Variants in CTNNA2 observed in about 807,000 individuals in gnomAD.
CTNNA2 encodes catenin alpha 2.
CTNNA2 carries 42 observed loss-of-function variants against 101.0 expected under a neutral mutation model. The ratio of observed to expected loss-of-function variants is 0.42; its 90% CI spans 0.32 to 0.54. The LOEUF (loss-of-function observed/expected upper bound fraction) is 0.54, where lower values mean the gene tolerates loss of function less well. Ranked by LOEUF, CTNNA2 falls within the 20% of genes least tolerant of loss-of-function variation. The pLI, the probability that CTNNA2 is intolerant of heterozygous loss-of-function variation, is 0.14. For synonymous variants in CTNNA2, 450 were observed against 456.4 expected (o/e 0.99, Z 0.18); for missense variants, 871 against 1,223.1 (o/e 0.71, Z 4.29).
chr2:79,724,867 A>G (rs1435665971), intron 2 of CTNNA2, among the ~76,000 whole-genome samples: 3 of 150,028 alleles, frequency 2.0e-5, no homozygotes, highest in Non-Finnish European at 4.4e-5. Context: ...TGAGTGAGTT[A>G]TGACTTAGAG....
intron 7 of CTNNA2, among the ~76,000 whole-genome samples, chr2:80,216,788 A>G (rs1456638456): frequency 2.0e-5 from 3 of 152,040 alleles, no homozygotes; most frequent in African/African-American, 7.2e-5. Context: ...ATATTCACAG[A>G]CATAATCAGG....
In CTNNA2 at chr2:80,647,897, T is replaced by TTTTTCTTTC; in HGVS notation, c.*38_*46dup. 6.5e-7 allele frequency: 1 copy of TTTTTCTTTC among 1,533,456 alleles called. No individual in the cohort carries two copies. Among genetic ancestry groups the TTTTTCTTTC allele is most frequent in the South Asian group, 1.3e-5 (1 of 78,080 alleles). The allele number at this position is 1,533,456 out of a possible 1,614,324, so 95.0% of individuals were successfully genotyped here. On this transcript the variant is annotated 3_prime_UTR_variant, in exon 19 of 19. Coordinates refer to ENST00000402739, the MANE Select transcript of CTNNA2 (RefSeq NM_001282597.3). ...GGACGATAGGTTTTAACAAGAAAGC[T>TTTTTCTTTC]TTTTCTTTCTTTTCTTTCTTTCTTT...
chr2:80,482,554 A>C (rs957755040), intron 9 of CTNNA2, among the ~76,000 whole-genome samples: 1 of 152,180 alleles, frequency 6.6e-6, no homozygotes, highest in Middle Eastern at 3.2e-3. Context: ...AACTGTATTT[A>C]CAAAAAGAGG....
At chr2:80,563,204 G>A (rs1693762749) in intron 12 of CTNNA2, among the ~76,000 whole-genome samples, 1 of 152,176 alleles carries the variant, frequency 6.6e-6, no homozygotes, top group Non-Finnish European at 1.5e-5. Flanking sequence ...TACATATTGT[G>A]TCTAGCAGAG....
chr2:79,214,296 A>C (rs1674216784), intron 2 of CTNNA2, among the ~76,000 whole-genome samples: 1 of 152,132 alleles, frequency 6.6e-6, no homozygotes, highest in Admixed American at 6.5e-5. Context: ...GGCTGGGATG[A>C]AGGGTGCAAA....
intron 7 of CTNNA2, among the ~76,000 whole-genome samples, chr2:79,933,336 G>A (rs973312176): frequency 1.1e-4 from 17 of 152,010 alleles, no homozygotes; most frequent in African/African-American, 2.9e-4. Context: ...AACACTGTTC[G>A]GCTAGGATTT....
chr2:80,010,774 TC>T (rs1366530350), intron 7 of CTNNA2, among the ~76,000 whole-genome samples: 12 of 152,142 alleles, frequency 7.9e-5, no homozygotes, highest in Admixed American at 7.9e-4. Context: ...ATGAAAATTC[TC>T]CACATTTCAT....
rs184967360 is a variant in CTNNA2 at position 79,638,587 on chromosome 2, A to T, written c.-5-12965A>T. ...AGGAGAATCATTTCCCACTTACTGTAGCTGCCACTGGATGCAAAGCAGTAC... is the reference window on the plus strand; with the variant it reads ...AGGAGAATCATTTCCCACTTACTGTTGCTGCCACTGGATGCAAAGCAGTAC... On this transcript the variant is annotated intron_variant, in intron 1 of 18. Coordinates refer to ENST00000402739, the MANE Select transcript of CTNNA2 (RefSeq NM_001282597.3). Among the ~76,000 whole-genome samples, 236 of 152,302 alleles carry T rather than the reference A, an allele frequency of 1.5e-3. 4 individuals are homozygous for T. The highest frequency in any genetic ancestry group is 5.5e-3 in the African/African-American group (227 of 41,572).
rs576517970 is a variant in CTNNA2 at position 80,168,723 on chromosome 2, A to G, written c.1057-224488A>G. ...CTTTTTGATACCCAAGGTGCTTTCC[A>G]TATCAATTAAATCAGATTGTCTATG... On this transcript the variant is annotated intron_variant, in intron 7 of 18. Coordinates refer to ENST00000402739, the MANE Select transcript of CTNNA2 (RefSeq NM_001282597.3). 3.0e-4 allele frequency among the ~76,000 whole-genome samples: 45 copies of G among 152,260 alleles called. 1 individual carries two copies. The South Asian group carries it at 9.3e-3, about 32-fold the overall frequency.
chr2:79,858,512 C>T (rs548743624), intron 4 of CTNNA2, among the ~76,000 whole-genome samples: 73 of 152,222 alleles, frequency 4.8e-4, no homozygotes, highest in African/African-American at 1.5e-3. Flanking sequence ...TCTCAAGATT[C>T]GGAGCAATCT....
At chr2:79,377,292 A>T (rs1430452146) in intron 4 of CTNNA2, among the ~76,000 whole-genome samples, 2 of 152,188 alleles carry the variant, frequency 1.3e-5, no homozygotes, top group Admixed American at 1.3e-4. Context: ...ACAATAAGGA[A>T]AAGGCATAAA....
chr2:80,424,571 A>G (rs538545679), intron 9 of CTNNA2, among the ~76,000 whole-genome samples: 1 of 152,304 alleles, frequency 6.6e-6, no homozygotes, highest in South Asian at 2.1e-4. Flanking sequence ...GTTGGGCAGC[A>G]GAGAGGCAGA....
intron 7 of CTNNA2, among the ~76,000 whole-genome samples, chr2:80,032,453 T>C (rs1268655104): frequency 1.3e-5 from 2 of 152,160 alleles, no homozygotes; most frequent in Non-Finnish European, 2.9e-5. Flanking sequence ...AAAGGTAAAA[T>C]TTCTATGATC....
intron 7 of CTNNA2, among the ~76,000 whole-genome samples, chr2:80,116,376 TAA>T (rs563446744): frequency 6.1e-4 from 40 of 65,258 alleles, no homozygotes; most frequent in Admixed American, 6.4e-4. Flanking sequence ...CCTAAAAAGC[TAA>T]AAAAAAAAAA....
intron 6 of CTNNA2, among the ~76,000 whole-genome samples, chr2:79,891,441 T>TA (rs780457073): frequency 3.0e-4 from 45 of 152,322 alleles, no homozygotes; most frequent in Non-Finnish European, 5.7e-4. Context: ...GTACTTAAGA[T>TA]AAAAAACATC....
intron 7 of CTNNA2, among the ~76,000 whole-genome samples, chr2:80,012,841 A>G (rs1216973324): frequency 6.6e-6 from 1 of 152,156 alleles, no homozygotes; most frequent in Non-Finnish European, 1.5e-5. Context: ...AAGATCAGAT[A>G]TTCTTCCTGT....
At chr2:79,853,436 A>C (rs1680885936) in intron 3 of CTNNA2, among the ~76,000 whole-genome samples, 1 of 152,210 alleles carries the variant, frequency 6.6e-6, no homozygotes, top group African/African-American at 2.4e-5. Flanking sequence ...TTCACCCAGC[A>C]CTCTTTGAAT....
intron 18 of CTNNA2, among the ~76,000 whole-genome samples, chr2:80,628,136 A>G (rs1243719293): frequency 1.3e-5 from 2 of 152,170 alleles, no homozygotes; most frequent in Non-Finnish European, 2.9e-5. Flanking sequence ...ATGGAAAAGC[A>G]TTCCATGCTC....
chr2:80,001,711 G>A (rs766843621), intron 7 of CTNNA2, among the ~76,000 whole-genome samples: 22 of 152,260 alleles, frequency 1.4e-4, no homozygotes, highest in Middle Eastern at 3.4e-3. Context: ...TGATGTTGAG[G>A]AAGGATGCCT....
Sources: gnomAD v4.1 joint callset for allele counts (sites outside exome capture counted in the v4.1 genomes callset) on GRCh38, gnomAD v4.1.1 for gene constraint, MANE v1.5 for transcripts, NCBI Gene and HGNC (gene_info 2026-07-23, HGNC 2026-07-21) for gene names.